Variants in CEP350 observed in about 807,000 individuals in gnomAD.
The protein encoded by CEP350 is centrosomal protein 350, also known as centrosome-associated protein 350.
CEP350 carries 126 observed loss-of-function variants against 331.8 expected under a neutral mutation model. The ratio of observed to expected loss-of-function variants is 0.38; its 90% confidence interval spans 0.33 to 0.44. The LOEUF (loss-of-function observed/expected upper bound fraction) is 0.44, where lower values mean the gene tolerates loss of function less well. CEP350 is among the 20% of genes least tolerant of loss of function. CEP350 has a pLI of 1.00. For synonymous variants in CEP350, 1,200 were observed against 1,259.5 expected, an observed-to-expected ratio of 0.95 and a Z score of 1.00; for missense variants, 3,406 against 3,634.6, an observed-to-expected ratio of 0.94 and a Z score of 1.62.
At chr1:180,012,423 C>T (rs1379495195) in intron 9 of CEP350, among the ~76,000 whole-genome samples, 1 of 152,160 alleles carries the variant, frequency 6.6e-6, no homozygotes, top group Non-Finnish European at 1.5e-5. Context: ...CACGGACAAA[C>T]ATTCACAAGG....
At chr1:179,989,444 C>T (rs1652889105) in intron 3 of CEP350, among the ~76,000 whole-genome samples, 2 of 144,116 alleles carry the variant, frequency 1.4e-5, no homozygotes, top group Admixed American at 1.4e-4. Flanking sequence ...GATCATGTCA[C>T]TGCACTCCAG....
chr1:180,072,441 T>A (rs960156929), intron 27 of CEP350, among the ~76,000 whole-genome samples: 1 of 152,212 alleles, frequency 6.6e-6, no homozygotes, highest in Admixed American at 6.5e-5. Context: ...GATATTTGAA[T>A]GTTATGAATA....
At chr1:180,048,028 C>G (rs1657245662) in intron 21 of CEP350, among the ~76,000 whole-genome samples, 1 of 152,096 alleles carries the variant, frequency 6.6e-6, no homozygotes, top group Admixed American at 6.5e-5. Context: ...TAACATTTTA[C>G]TACATTTTAT....
chr1:179,974,420 T>G (rs1362190726), intron 1 of CEP350, among the ~76,000 whole-genome samples: 1 of 152,218 alleles, frequency 6.6e-6, no homozygotes, highest in Non-Finnish European at 1.5e-5. Context: ...CAGCTTCTAA[T>G]GCTGCCGTTT....
rs763249045 is a variant in CEP350 at position 180,052,958 on chromosome 1, A to G, written c.4793-12A>G. 5 of 1,055,828 alleles carry G rather than the reference A, an allele frequency of 4.7e-6. No individual in the cohort carries two copies. The highest frequency in any genetic ancestry group is 2.9e-5 in the South Asian group (2 of 67,852). The allele number at this position is 1,055,828 out of a possible 1,614,324, so 65.4% of individuals were successfully genotyped here. A position where few individuals can be genotyped will look rare whatever the true frequency, so the allele number is the denominator to read the frequency against. On this transcript the variant is annotated splice_polypyrimidine_tract_variant and intron_variant, in intron 22 of 37. Transcript: ENST00000367607. The stretch of plus-strand genomic sequence containing the variant: ...TATAATGATAAAATCTACTTTCTCC[A>G]TATTCTTTTAGACTCAACGTCTATT...
At chr1:180,109,936 A>T (rs1186910729) in intron 37 of CEP350, among the ~76,000 whole-genome samples, 2 of 152,192 alleles carry the variant, frequency 1.3e-5, no homozygotes, top group African/African-American at 4.8e-5. Context: ...CACCCAGCCA[A>T]TCTAATGCGT....
Position 180,110,996 on chromosome 1 carries a change from G to C in CEP350, c.9190-1G>C. 1 of 1,613,334 alleles carries C rather than the reference G, an allele frequency of 6.2e-7. No homozygotes were observed. Among genetic ancestry groups the C allele is most frequent in the Non-Finnish European group, 8.5e-7 (1 of 1,179,480 alleles). Reference sequence around the variant, plus strand: ...TAACCTTATTGTCTTCTAAATCCTAGGTTCAGGAGCTCCATGAGGAGGAGG... The same window carrying C: ...TAACCTTATTGTCTTCTAAATCCTACGTTCAGGAGCTCCATGAGGAGGAGG... On this transcript the variant is annotated splice_acceptor_variant, in intron 37 of 37. Coordinates refer to ENST00000367607, the MANE Select transcript of CEP350 (RefSeq NM_014810.5). LOFTEE classifies it high-confidence loss of function.
At chr1:180,057,066 T>G (rs1657896365) in intron 25 of CEP350, among the ~76,000 whole-genome samples, 1 of 152,032 alleles carries the variant, frequency 6.6e-6, no homozygotes, top group African/African-American at 2.4e-5. Context: ...TTGACTCTGT[T>G]GAAATTCTCT....
intron 8 of CEP350, among the ~76,000 whole-genome samples, chr1:180,008,662 G>A (rs182083305): frequency 2.0e-5 from 3 of 152,134 alleles, no homozygotes; most frequent in Admixed American, 6.6e-5. Context: ...GTACTGTGCT[G>A]TACTAAACTT....
At chr1:179,985,479 G>A (rs1652583901) in intron 1 of CEP350, among the ~76,000 whole-genome samples, 1 of 152,094 alleles carries the variant, frequency 6.6e-6, no homozygotes, top group Non-Finnish European at 1.5e-5. Context: ...ATAGTTCCTT[G>A]AGCCTCCACA....
intron 11 of CEP350, among the ~76,000 whole-genome samples, chr1:180,019,536 T>C (rs190851353): frequency 6.6e-6 from 1 of 152,338 alleles, no homozygotes; most frequent in African/African-American, 2.4e-5. Flanking sequence ...ATTTTAAGCA[T>C]TTCTCTTTTA....
intron 14 of CEP350, among the ~76,000 whole-genome samples, chr1:180,028,126 G>A (rs2148865513): frequency 1.3e-5 from 2 of 152,276 alleles, no homozygotes; most frequent in Middle Eastern, 6.8e-3. Flanking sequence ...GAATAAAAGA[G>A]CTCCATGGTT....
rs113477639 is a variant in CEP350 at position 180,042,127 on chromosome 1, TTC to T, written c.4362+330_4362+331del. Among the ~76,000 whole-genome samples the T allele has an allele frequency of 3.1e-3, 334 of 106,766 alleles. 3 individuals carry two copies. The East Asian group carries it at 0.063, about 20-fold the overall frequency. 70.0% of individuals were successfully genotyped at this position (106,766 alleles called of 152,430 possible). ...TTTTAAGTATGCAATTTGGTGAGTT[TTC>T]TCTCACACACACACACACACACACA... On this transcript the variant is annotated intron_variant, in intron 19 of 37. Coordinates refer to ENST00000367607, the MANE Select transcript of CEP350 (RefSeq NM_014810.5).
rs567943051 is a variant in CEP350, at chr1:180,014,749, T to C, written c.2052+244T>C. Among the ~76,000 whole-genome samples the C allele has an allele frequency of 2.0e-5, 3 of 152,350 alleles. No homozygotes were observed. The South Asian group carries it at 6.2e-4, about 32-fold the overall frequency. Reference sequence around the variant, plus strand: ...ATTTTCCTCTCATCATTGCTATTAGTTACATCCCTGCATAGTTTTCATTGT... The same window carrying C: ...ATTTTCCTCTCATCATTGCTATTAGCTACATCCCTGCATAGTTTTCATTGT... On this transcript the variant is annotated intron_variant, in intron 10 of 37. Transcript: ENST00000367607.
chr1:180,014,009 T>C lies in CEP350; in HGVS notation c.1556T>C (p.Leu519Ser). 6.2e-7 allele frequency: 1 copy of C among 1,613,640 alleles called. No individual in the cohort carries two copies. The highest frequency in any genetic ancestry group is 8.5e-7 in the Non-Finnish European group (1 of 1,179,704). ...PDNKQEENTALNKDFLPIEIR... is the reference protein window; with the variant it reads ...PDNKQEENTASNKDFLPIEIR... The stretch of plus-strand genomic sequence containing the variant: ...AATAAGCAGGAGGAAAATACTGCCT[T>C]AAATAAGGACTTTTTACCTATTGAA... Residue 519 changes from leucine (L) to serine (S), a missense_variant, in exon 10 of 38, where the codon TTA (leucine) becomes TCA (serine). Coordinates refer to ENST00000367607, the MANE Select transcript of CEP350 (RefSeq NM_014810.5).
At chr1:180,100,614 GC>G (rs886239368) in intron 37 of CEP350, among the ~76,000 whole-genome samples, 3 of 152,144 alleles carry the variant, frequency 2.0e-5, no homozygotes, top group African/African-American at 7.2e-5. Context: ...GCAGAAACCA[GC>G]CATTAATATA....
In CEP350 at chr1:180,053,078, G is replaced by A. The variant is rs1374842060; in HGVS notation, c.4901G>A (p.Arg1634His). Residue 1634 changes from arginine to histidine, a missense_variant, in exon 23 of 38, where the codon CGC becomes CAC. Coordinates refer to ENST00000367607, the MANE Select transcript of CEP350 (RefSeq NM_014810.5). ...TCATTACTACCTTCAGAGAGTCACC[G>A]CAGATTTAACATGGAAAAGAGAAGA... The part of the protein sequence containing the change: ...FRSLLPSESH[R>H]RFNMEKRRGH... The A allele has an allele frequency of 4.4e-6, 7 of 1,603,298 alleles. No individual in the cohort carries two copies. The highest frequency in any genetic ancestry group is 5.1e-6 in the Non-Finnish European group (6 of 1,171,830).
chr1:180,072,230 T>C (rs1322737324), intron 27 of CEP350, among the ~76,000 whole-genome samples: 2 of 152,230 alleles, frequency 1.3e-5, no homozygotes, highest in African/African-American at 2.4e-5. Context: ...TTTCTATTAG[T>C]TATTTCGTTC....
intron 4 of CEP350, among the ~76,000 whole-genome samples, chr1:179,991,226 C>G (rs1653032289): frequency 6.7e-6 from 1 of 149,500 alleles, no homozygotes; most frequent in South Asian, 2.1e-4. Flanking sequence ...AATGGAATCT[C>G]TTTCATATGG....
Sources: allele counts gnomAD v4.1 joint callset (sites outside exome capture counted in the v4.1 genomes callset), GRCh38; gene constraint gnomAD v4.1.1; transcripts MANE v1.5; gene names NCBI Gene and HGNC (gene_info 2026-07-23, HGNC 2026-07-21).